PLEKHG5: variants seen among roughly 807,000 people sequenced by gnomAD.
PLEKHG5 encodes pleckstrin homology and RhoGEF domain containing G5.
Under a neutral mutation model 103.8 loss-of-function variants are expected in PLEKHG5, and 52 were observed. The observed-to-expected ratio is 0.50, with a 90% CI of 0.40 to 0.63. The LOEUF is 0.63. PLEKHG5 is among the 30% of genes least tolerant of loss of function. The pLI is 0.00. For synonymous variants in PLEKHG5, 592 were observed against 575.5 expected (o/e 1.03, Z -0.41); for missense variants, 1,205 against 1,347.6 (o/e 0.89, Z 1.66).
chr1:6,484,068 G>A (rs900810114), intron 1 of PLEKHG5, among the ~76,000 whole-genome samples: 12 of 152,230 alleles, frequency 7.9e-5, no homozygotes, highest in Admixed American at 5.9e-4. Context: ...GGAGTTCTGG[G>A]AGGGTCTCTG....
At chr1:6,470,392 GACTGAC>G in intron 15 of PLEKHG5, 37 bp from the exon 16 acceptor site, 1 of 1,613,360 alleles carries the variant, frequency 6.2e-7, no homozygotes, top group Non-Finnish European at 8.5e-7. Flanking sequence ...GGAGGCCAGA[GACTGAC>G]TCCCATCTCA....
In PLEKHG5 at chr1:6,503,706, G is replaced by A. The variant is rs554062490; in HGVS notation, c.-164-7137C>T. Among the ~76,000 whole-genome samples, 10 of 152,162 alleles carry A rather than the reference G, an allele frequency of 6.6e-5. No individual in the cohort carries two copies. In the East Asian group the frequency reaches 1.2e-3, roughly 18 times the overall value. ...ATTACAGGCATAAGCCACCGTGCCCGGCCTACCCTGTCTTAAAGAGAAAAA... is the reference window on the plus strand; with the variant it reads ...ATTACAGGCATAAGCCACCGTGCCCAGCCTACCCTGTCTTAAAGAGAAAAA... On this transcript the variant is annotated intron_variant, in intron 1 of 21. Transcript: ENST00000377740.
rs546961643 is a variant in PLEKHG5, at chr1:6,478,360, G to C, written c.-87-702C>G. Among the ~76,000 whole-genome samples the C allele has an allele frequency of 3.3e-5, 5 of 152,138 alleles. No individual in the cohort carries two copies. In the South Asian group the frequency reaches 1.0e-3, roughly 32 times the overall value. ...GTGTTTGTATTTTTTGTAGAGACGG[G>C]GTTTCACCATGTTGCCCAGGCTGGT... On this transcript the variant is annotated intron_variant, in intron 1 of 20. Coordinates refer to ENST00000377728, the MANE Select transcript of PLEKHG5 (RefSeq NM_020631.6).
intron 1 of PLEKHG5, among the ~76,000 whole-genome samples, chr1:6,481,568 T>A: frequency 7.3e-6 from 1 of 137,078 alleles, no homozygotes; most frequent in East Asian, 2.2e-4. Context: ...AATAAATATA[T>A]AAGTAAATAA....
intron 2 of PLEKHG5, 59 bp from the exon 3 acceptor site, chr1:6,476,095 G>A: frequency 7.6e-6 from 11 of 1,453,466 alleles, no homozygotes; most frequent in East Asian, 2.3e-5. Context: ...CTGCAGCATG[G>A]CTGCCTCCAG....
In PLEKHG5 at chr1:6,471,021, C is replaced by T. The variant is rs1259596651; in HGVS notation, c.1361G>A (p.Arg454His). Residue 454 changes from arginine (R) to histidine (H), a missense_variant, in exon 13 of 21, where the codon CGC (arginine) becomes CAC (histidine). Coordinates refer to ENST00000377728, the MANE Select transcript of PLEKHG5 (RefSeq NM_020631.6). ...GCMEYMRGLL[R>H]DNDLFRAYIT... ...GTAGGCCCGGAAGAGGTCGTTGTCGCGCAGCAGGCCGCGCATGTACTCCAT... is the reference window on the plus strand; with the variant it reads ...GTAGGCCCGGAAGAGGTCGTTGTCGTGCAGCAGGCCGCGCATGTACTCCAT... 2.5e-6 allele frequency: 4 copies of T among 1,606,142 alleles called. No individual in the cohort carries two copies. Among genetic ancestry groups the T allele is most frequent in the Admixed American group, 1.7e-5 (1 of 59,450 alleles).
Position 6,470,663 on chromosome 1 carries a change from C to T in PLEKHG5, c.1543-20G>A, listed in dbSNP as rs1266601625. The T allele has an allele frequency of 6.4e-7, 1 of 1,559,468 alleles. No individual in the cohort carries two copies. The highest frequency in any genetic ancestry group is 8.6e-7 in the Non-Finnish European group (1 of 1,157,342). The stretch of plus-strand genomic sequence containing the variant: ...GCCGATCTAGGGGCAGGTGAGGGAG[C>T]TTCAGGTCCAGGGTCATGACGGAGC... On this transcript the variant is annotated intron_variant, in intron 14 of 20. Transcript: ENST00000377728.
At chr1:6,477,398 A>G in intron 2 of PLEKHG5, 131 bp downstream of exon 2, 1 of 957,928 alleles carries the variant, frequency 1.0e-6, no homozygotes, top group Non-Finnish European at 1.6e-6. Context: ...AACAAAAGGA[A>G]CCGTAACATA....
At chr1:6,504,465 C>G (rs1035852832) in intron 1 of PLEKHG5, among the ~76,000 whole-genome samples, 1 of 152,222 alleles carries the variant, frequency 6.6e-6, no homozygotes, top group Non-Finnish European at 1.5e-5. Flanking sequence ...CACATTCCCC[C>G]TCCTCCACAG....
upstream of PLEKHG5, among the ~76,000 whole-genome samples, chr1:6,499,100 G>A (rs940574191): frequency 3.9e-5 from 6 of 152,180 alleles, no homozygotes; most frequent in African/African-American, 1.2e-4. Context: ...TCTGCTGTCC[G>A]CCCAGAAAGT....
rs897144218 is a variant in PLEKHG5, at chr1:6,513,250, A to G, written c.-165+6195T>C. Among the ~76,000 whole-genome samples, 17 of 152,224 alleles carry G rather than the reference A, an allele frequency of 1.1e-4. 1 individual carries two copies. Among genetic ancestry groups the G allele is most frequent in the Non-Finnish European group, 1.9e-4 (13 of 68,036 alleles). On this transcript the variant is annotated intron_variant, in intron 1 of 21. Transcript: ENST00000377740. Reference sequence around the variant, plus strand: ...TTGAACTAGAATCAATTTGCAATCAACCATCTCTCACCAGGGCTGACTTCC... The same window carrying G: ...TTGAACTAGAATCAATTTGCAATCAGCCATCTCTCACCAGGGCTGACTTCC...
upstream of PLEKHG5, among the ~76,000 whole-genome samples, chr1:6,493,758 C>A (rs1645183458): frequency 6.6e-6 from 1 of 151,734 alleles, no homozygotes; most frequent in South Asian, 2.1e-4. Context: ...AGGGTCCAAG[C>A]GATTCTTCTG....
Position 6,471,623 on chromosome 1 carries a change from G to A in PLEKHG5, c.1146C>T (p.Arg382=). The change falls in exon 12 of 21, where the codon CGC becomes CGT. Residue 382 remains arginine, a synonymous_variant. Coordinates refer to ENST00000377728, the MANE Select transcript of PLEKHG5 (RefSeq NM_020631.6). ...SGLLCEVEAE[R]LFSNIPEIAQ... ...CGATCTCCGGGATGTTGCTGAACAG[G>A]CGCTCCGCCTCCACCTGGGCGCGGC... 2 of 1,589,852 alleles carry A rather than the reference G, an allele frequency of 1.3e-6. No individual in the cohort carries two copies. Among genetic ancestry groups the A allele is most frequent in the Non-Finnish European group, 1.7e-6 (2 of 1,168,976 alleles).
In PLEKHG5 at chr1:6,473,102, G is replaced by C; in HGVS notation, c.868C>G (p.Arg290Gly). 2 of 1,613,798 alleles carry C rather than the reference G, an allele frequency of 1.2e-6. No homozygotes were observed. Among genetic ancestry groups the C allele is most frequent in the East Asian group, 2.2e-5 (1 of 44,886 alleles). ...GAGTCATGGTCGAAGCGCAGCCCCCGGGGCAGCCTGGGCAGCCCGAAGAGG... is the reference window on the plus strand; with the variant it reads ...GAGTCATGGTCGAAGCGCAGCCCCCCGGGCAGCCTGGGCAGCCCGAAGAGG... Reference protein sequence around the residue: ...YSLFGLPRLPRGLRFDHDSWE... With the variant: ...YSLFGLPRLPGGLRFDHDSWE... Residue 290 changes from arginine (R) to glycine (G), a missense_variant, in exon 9 of 21, where the codon CGG (arginine) becomes GGG (glycine). Coordinates refer to ENST00000377728, the MANE Select transcript of PLEKHG5 (RefSeq NM_020631.6).
intron 1 of PLEKHG5, among the ~76,000 whole-genome samples, chr1:6,506,949 G>A (rs975453646): frequency 8.5e-5 from 13 of 152,236 alleles, no homozygotes; most frequent in African/African-American, 3.1e-4. Flanking sequence ...ATCCTCAGGG[G>A]AGCCTCATTG....
chr1:6,482,035 C>T (rs752991211), intron 1 of PLEKHG5, among the ~76,000 whole-genome samples: 2 of 152,050 alleles, frequency 1.3e-5, no homozygotes, highest in Non-Finnish European at 2.9e-5. Context: ...GGACACACTC[C>T]CTCAGGGCAG....
intron 1 of PLEKHG5, among the ~76,000 whole-genome samples, chr1:6,515,589 G>A (rs576147629): frequency 5.9e-5 from 9 of 152,156 alleles, no homozygotes; most frequent in South Asian, 4.2e-4. Flanking sequence ...CACTTGGGAA[G>A]GCTGAGGTGG....
Position 6,514,712 on chromosome 1 carries a change from G to C in PLEKHG5, c.-165+4733C>G, listed in dbSNP as rs537642221. ...GGAGGCGGAGGTTGCAGCGAGCCGA[G>C]ATCATGCCACTGCACTCCAGCCTGG... On this transcript the variant is annotated intron_variant, in intron 1 of 21. Transcript: ENST00000377740. 1.3e-4 allele frequency among the ~76,000 whole-genome samples: 19 copies of C among 151,282 alleles called. 2 individuals carry two copies. In the South Asian group the frequency reaches 3.6e-3, roughly 28 times the overall value.
In PLEKHG5 at chr1:6,471,500, T is replaced by C; in HGVS notation, c.1269A>G (p.Lys423=). Residue 423 remains lysine (K), a synonymous_variant, in exon 12 of 21, where the codon AAA becomes AAG. Transcript: ENST00000377728. ...RALLQPGDFL[K]GFKMFGSLFK... ...GCCCCGCCCGTACCATCTTGAAGCC[T>C]TTGAGGAAGTCCCCGGGCTGTAGCA... is the stretch of plus-strand genomic sequence containing the variant. The C allele has an allele frequency of 6.2e-7, 1 of 1,610,540 alleles. No homozygotes were observed. The highest frequency in any genetic ancestry group is 8.5e-7 in the Non-Finnish European group (1 of 1,179,064).
Sources: allele counts gnomAD v4.1 joint callset (sites outside exome capture counted in the v4.1 genomes callset), GRCh38; gene constraint gnomAD v4.1.1; transcripts MANE v1.5; gene names NCBI Gene and HGNC (gene_info 2026-07-23, HGNC 2026-07-21).